SNED1: variants seen among roughly 807,000 people sequenced by gnomAD.
SNED1 encodes sushi, nidogen and EGF like domains 1.
In SNED1, 81 loss-of-function variants were observed where a neutral mutation model predicts 166.7. That is an observed-to-expected ratio of 0.49 (90% CI 0.41 to 0.58). SNED1 has a LOEUF of 0.58. Ranked by LOEUF, SNED1 falls within the 20% of genes least tolerant of loss-of-function variation. SNED1 has a pLI of 0.00. For missense variants in SNED1, 1,604 were observed against 2,000.2 expected (o/e 0.80, Z 3.78); for synonymous variants, 762 against 822.0 (o/e 0.93, Z 1.25).
chr2:241,012,810 CTG>C (rs1251062389), intron 1 of SNED1, among the ~76,000 whole-genome samples: 5 of 145,088 alleles, frequency 3.4e-5, no homozygotes, highest in South Asian at 2.2e-4. Flanking sequence ...CGAGGCAGTA[CTG>C]TGTTTTTTTT....
chr2:241,026,237 C>G (rs1042931388), intron 1 of SNED1, among the ~76,000 whole-genome samples: 1 of 152,048 alleles, frequency 6.6e-6, no homozygotes, highest in Non-Finnish European at 1.5e-5. Context: ...AGGCTTGTCT[C>G]GAACCCCTGA....
chr2:241,082,233 G>C (rs751819438), intron 28 of SNED1, 44 bp from the exon 29 acceptor site: 1 of 1,499,330 alleles, frequency 6.7e-7, no homozygotes. Flanking sequence ...GGCAGGAGGA[G>C]CCGTCAGGAG....
chr2:241,033,528 G>C, intron 2 of SNED1: 1 of 561,310 alleles, frequency 1.8e-6, no homozygotes, highest in Non-Finnish European at 3.1e-6. Flanking sequence ...GTTGCAGACG[G>C]CCTCTGCTGA....
At chr2:241,037,173 G>C (rs777910290) in intron 5 of SNED1, 67 bp from the exon 6 acceptor site, 4 of 1,362,702 alleles carry the variant, frequency 2.9e-6, no homozygotes, top group East Asian at 2.5e-5. Context: ...GGCCCAACCC[G>C]AGCCCTTAGA....
rs2061292024 is a variant in SNED1, at chr2:241,034,738, G to A, written c.805+8G>A. 1.3e-6 allele frequency: 2 copies of A among 1,544,606 alleles called. No homozygotes were observed. The highest frequency in any genetic ancestry group is 1.2e-5 in the South Asian group (1 of 83,144). ...GGGGCTGCGGCCATACAAGTAAGAG[G>A]ACAGAGGAGCAGCTTGGGGTGGGAG... On this transcript the variant is annotated splice_region_variant and intron_variant, in intron 4 of 31. Coordinates refer to ENST00000310397, the MANE Select transcript of SNED1 (RefSeq NM_001080437.3).
chr2:241,012,937 G>A (rs937143969), intron 1 of SNED1, among the ~76,000 whole-genome samples: 3 of 150,920 alleles, frequency 2.0e-5, no homozygotes, highest in East Asian at 2.0e-4. Context: ...CTGGGTTCAC[G>A]CCATCCTCCT....
At chr2:241,083,345 G>A (rs1235892609) in intron 29 of SNED1, among the ~76,000 whole-genome samples, 2 of 152,016 alleles carry the variant, frequency 1.3e-5, no homozygotes, top group African/African-American at 4.8e-5. Context: ...AACCCTCGGG[G>A]CCATGGAGAC....
intron 26 of SNED1, chr2:241,072,165 G>T: frequency 1.5e-6 from 1 of 660,090 alleles, no homozygotes; most frequent in Admixed American, 2.1e-5. Flanking sequence ...TTAGAAGCAG[G>T]TCTGAGACAT....
chr2:241,070,282 A>G (rs1368927928), intron 24 of SNED1, 81 bp downstream of exon 24: 1 of 1,413,070 alleles, frequency 7.1e-7, no homozygotes, highest in Non-Finnish European at 9.5e-7. Flanking sequence ...CTGGCCCTGC[A>G]GGGGCCTGGG....
intron 16 of SNED1, among the ~76,000 whole-genome samples, chr2:241,061,668 C>T (rs1444884964): frequency 4.6e-5 from 7 of 151,950 alleles, no homozygotes; most frequent in East Asian, 1.9e-4. Context: ...AGGCGGATCA[C>T]GAAGTCAGGA....
chr2:241,045,500 A>G (rs2061621816), intron 8 of SNED1, among the ~76,000 whole-genome samples: 1 of 152,206 alleles, frequency 6.6e-6, no homozygotes, highest in Non-Finnish European at 1.5e-5. Context: ...AAGCCCAAAC[A>G]AATATAGCCA....
At chr2:241,044,780 TC>T (rs1252452576) in intron 8 of SNED1, among the ~76,000 whole-genome samples, 1 of 152,192 alleles carries the variant, frequency 6.6e-6, no homozygotes, top group African/African-American at 2.4e-5. Context: ...GTATTGTTTT[TC>T]CCTTTCCTGT....
chr2:241,005,391 A>G (rs2060195812), intron 1 of SNED1, among the ~76,000 whole-genome samples: 1 of 151,854 alleles, frequency 6.6e-6, no homozygotes, highest in Admixed American at 6.6e-5. Flanking sequence ...TTTAGTAGAG[A>G]TGAGGTTTCA....
chr2:241,026,462 C>G (rs1317694462), intron 1 of SNED1, among the ~76,000 whole-genome samples: 1 of 152,148 alleles, frequency 6.6e-6, no homozygotes, highest in African/African-American at 2.4e-5. Context: ...GGTCATCTTA[C>G]TGTTTTCCAT....
intron 1 of SNED1, among the ~76,000 whole-genome samples, chr2:241,007,660 G>A (rs765518382): frequency 1.3e-5 from 2 of 152,016 alleles, no homozygotes; most frequent in Admixed American, 6.6e-5. Context: ...TCAAGGGTAG[G>A]GTTTTACAAA....
rs377463652 is a variant in SNED1 at position 241,070,005 on chromosome 2, C to T, written c.3393C>T (p.Ser1131=). The stretch of plus-strand genomic sequence containing the variant: ...TCTGGGATGCCCCGACTCCAGGCAG[C>T]TTGCTGGAGGCTTATGTCATCAATG... ...HVVWDAPTPG[S]LLEAYVINVT... is the part of the protein sequence containing the mutation. Residue 1131 remains serine, a synonymous_variant, in exon 24 of 32, where the codon AGC becomes AGT. Transcript: ENST00000310397. 1.9e-6 allele frequency: 3 copies of T among 1,612,872 alleles called. No homozygotes were observed. In the African/African-American group the frequency reaches 4.0e-5, roughly 22 times the overall value.
chr2:241,064,914 C>G lies in SNED1; in HGVS notation c.2670C>G (p.Ser890Arg). 6.3e-7 allele frequency: 1 copy of G among 1,586,442 alleles called. No individual in the cohort carries two copies. Among genetic ancestry groups the G allele is most frequent in the Non-Finnish European group, 8.5e-7 (1 of 1,171,658 alleles). ...GCCTGGCCAGCAACGGCTCCCACAG[C>G]TGCACCTGCAAAGTGGGCTACACGG... Reference protein sequence around the residue: ...GYCLASNGSHSCTCKVGYTGE... With the variant: ...GYCLASNGSHRCTCKVGYTGE... The change falls in exon 20 of 32, where the codon AGC becomes AGG. Residue 890 changes from serine (S) to arginine (R), a missense_variant. By Grantham distance (110) the Ser-to-Arg change is moderately radical. Coordinates refer to ENST00000310397, the MANE Select transcript of SNED1 (RefSeq NM_001080437.3). This position sits in a 1 kb window ranked among gnomAD's most constrained non-coding sequence, Gnocchi z 7.0.
At position 241,018,941 on chromosome 2, in the gene SNED1, A is replaced by T. The variant is rs1574887439; in HGVS notation, c.214-11343A>T. On this transcript the variant is annotated intron_variant, in intron 1 of 31. Coordinates refer to ENST00000310397, the MANE Select transcript of SNED1 (RefSeq NM_001080437.3). The surrounding 1 kb of genome is among the most constrained non-coding windows in gnomAD (Gnocchi z 5.4). ...CAGAAACGGTCAGGGCCAAACCTCA[A>T]GGCTTCCAGGTAGGTCTGTGTCACC... 6.6e-6 allele frequency among the ~76,000 whole-genome samples: 1 copy of T among 152,138 alleles called. No individual in the cohort carries two copies. The highest frequency in any genetic ancestry group is 1.9e-4 in the East Asian group (1 of 5,190).
intron 28 of SNED1, 133 bp downstream of exon 28, chr2:241,081,926 G>A (rs954186314): frequency 1.3e-5 from 9 of 697,288 alleles, no homozygotes; most frequent in Middle Eastern, 3.9e-4. Flanking sequence ...TCTGGTGCAC[G>A]GGGCTGACCC....
Sources: gnomAD v4.1 joint callset for allele counts (sites outside exome capture counted in the v4.1 genomes callset) on GRCh38, gnomAD v4.1.1 for gene constraint, Gnocchi (gnomAD v3.1) non-coding constraint, MANE v1.5 for transcripts, NCBI Gene and HGNC (gene_info 2026-07-23, HGNC 2026-07-21) for gene names.